Variants in RPGR observed in about 807,000 individuals in gnomAD.
RPGR encodes the protein X-linked retinitis pigmentosa GTPase regulator.
Under a neutral mutation model 56.3 loss-of-function variants are expected in RPGR, and 10 were observed. The ratio of observed to expected loss-of-function variants is 0.18; its 90% CI spans 0.11 to 0.30. The LOEUF is 0.30. Ranked by LOEUF, RPGR falls within the 10% of genes least tolerant of loss-of-function variation. The pLI is 1.00. For synonymous variants in RPGR, 197 were observed against 212.9 expected, an observed-to-expected ratio of 0.93 and a Z score of 0.65; for missense variants, 538 against 590.9, an observed-to-expected ratio of 0.91 and a Z score of 0.93.
In RPGR at chrX:38,286,956, CTT is replaced by C. The variant is rs1569237670; in HGVS notation, c.1905+136_1905+137del. ...CTGGCCTCTCCATTTCTCCTCTACC[CTT>C]GTCTTTCTCCCCCTTCTCCCTCTCC... On this transcript the variant is annotated intron_variant, in intron 15 of 18. Transcript: ENST00000642395. 8.3e-7 allele frequency: 1 copy of C among 1,209,177 alleles called. No individual in the cohort carries two copies. Among genetic ancestry groups the C allele is most frequent in the South Asian group, 1.8e-5 (1 of 56,816 alleles).
At chrX:38,289,689 A>G (rs1162269577) in intron 13 of RPGR, among the ~76,000 whole-genome samples, 3 of 112,798 alleles carry the variant, frequency 2.7e-5, no homozygotes, top group Non-Finnish European at 5.6e-5. Context: ...TCATTTACTA[A>G]AGTAGGCCTG....
At chrX:38,292,247 A>C (rs1253361137) in intron 11 of RPGR, among the ~76,000 whole-genome samples, 1 of 112,419 alleles carries the variant, frequency 8.9e-6, no homozygotes, top group African/African-American at 3.2e-5. Flanking sequence ...TGACTCTCAG[A>C]AACTGTGTGA....
chrX:38,294,132 T>A (rs1221396019), intron 11 of RPGR, among the ~76,000 whole-genome samples: 1 of 111,805 alleles, frequency 8.9e-6, no homozygotes, highest in South Asian at 3.7e-4. Flanking sequence ...AACTCCATTA[T>A]ACCAAATCCA....
In RPGR at chrX:38,310,517, A is replaced by G. The variant is rs978953524; in HGVS notation, c.778+98T>C. ...AGAAGGTAGTTCTCATAGTATTCTT[A>G]CCACAATAAAAAAATGAACATAAAA... On this transcript the variant is annotated intron_variant, in intron 7 of 18. Coordinates refer to ENST00000642395, the MANE Select transcript of RPGR (RefSeq NM_000328.3). The G allele has an allele frequency of 3.9e-5, 30 of 777,522 alleles. No individual in the cohort carries two copies. The Admixed American group carries it at 6.7e-4, about 17-fold the overall frequency. 64.1% of individuals were successfully genotyped at this position (777,522 alleles called of 1,213,427 possible).
intron 8 of RPGR, among the ~76,000 whole-genome samples, 155 bp downstream of exon 8, chrX:38,304,480 A>T (rs1167846905): frequency 8.9e-6 from 1 of 112,113 alleles, no homozygotes; most frequent in Non-Finnish European, 1.9e-5. Flanking sequence ...TAAAAAGTTC[A>T]CAACTTTATA....
At chrX:38,277,637 T>C (rs2066959662) in intron 15 of RPGR, among the ~76,000 whole-genome samples, 1 of 111,931 alleles carries the variant, frequency 8.9e-6, no homozygotes, top group South Asian at 3.7e-4. Flanking sequence ...TTCTAAAATA[T>C]GTGAAGCAGT....
chrX:38,318,286 C>T (rs2067864255), intron 5 of RPGR, among the ~76,000 whole-genome samples: 1 of 109,926 alleles, frequency 9.1e-6, no homozygotes, highest in Non-Finnish European at 1.9e-5. Context: ...GATAGAGTAA[C>T]ACCGGATGTT....
At chrX:38,303,557 A>T (rs2067541847) in intron 8 of RPGR, 1 of 265,627 alleles carries the variant, frequency 3.8e-6, no homozygotes. Context: ...ATAAAGTGAC[A>T]TTAGGACCCT....
At chrX:38,322,456 G>T (rs1307205344) in intron 3 of RPGR, among the ~76,000 whole-genome samples, 1 of 112,012 alleles carries the variant, frequency 8.9e-6, no homozygotes, top group East Asian at 2.8e-4. Context: ...TATAAAACCA[G>T]CAACCAAATA....
At chrX:38,326,103 T>A (rs185018358) in intron 1 of RPGR, among the ~76,000 whole-genome samples, 5 of 112,053 alleles carry the variant, frequency 4.5e-5, no homozygotes, top group African/African-American at 1.3e-4. Context: ...ACTCTGAGTT[T>A]CCCCAGAATG....
intron 17 of RPGR, chrX:38,274,965 T>C: frequency 1.8e-6 from 1 of 547,900 alleles, no homozygotes; most frequent in Non-Finnish European, 3.1e-6. Context: ...CATGTGACAG[T>C]AAAAATTATA....
At chrX:38,327,059 TAAA>T (rs1232638719) in intron 1 of RPGR, 482 of 260,362 alleles carry the variant, frequency 1.9e-3, no homozygotes, top group Middle Eastern at 3.1e-3. Context: ...CTCCGTCTCA[TAAA>T]AAAAAAAAAA....
At chrX:38,298,282 A>AAC in intron 10 of RPGR, 1 of 248,314 alleles carries the variant, frequency 4.0e-6, no homozygotes, top group Non-Finnish European at 7.4e-6. Flanking sequence ...AAAAAAAAAA[A>AAC]ACACATATAT....
intron 8 of RPGR, among the ~76,000 whole-genome samples, chrX:38,304,026 G>A (rs1181264265): frequency 2.7e-5 from 3 of 111,908 alleles, no homozygotes; most frequent in Non-Finnish European, 5.6e-5. Context: ...TCTTTACTGA[G>A]TCCTATATTA....
chrX:38,326,418 C>T (rs998100889), intron 1 of RPGR, among the ~76,000 whole-genome samples: 16 of 111,695 alleles, frequency 1.4e-4, no homozygotes, highest in Non-Finnish European at 3.8e-5. Flanking sequence ...TTCAGTGGAT[C>T]ACGATCAGCA....
intron 8 of RPGR, among the ~76,000 whole-genome samples, chrX:38,304,417 G>A (rs1327981004): frequency 8.9e-6 from 1 of 111,767 alleles, no homozygotes; most frequent in Non-Finnish European, 1.9e-5. Flanking sequence ...GGCCTATTGT[G>A]AGGTTCTAAA....
rs767338815 is a variant in RPGR, at chrX:38,300,365, A to C, written c.1059+882T>G. Among the ~76,000 whole-genome samples the C allele has an allele frequency of 5.4e-5, 6 of 112,046 alleles. No homozygotes were observed. In the South Asian group the frequency reaches 2.2e-3, roughly 42 times the overall value. Reference sequence around the variant, plus strand: ...ATATTATGAGACACTGAGTCTCTGGAGGACAAATTTCAGTATTATCATCAA... The same window carrying C: ...ATATTATGAGACACTGAGTCTCTGGCGGACAAATTTCAGTATTATCATCAA... On this transcript the variant is annotated intron_variant, in intron 9 of 18. Coordinates refer to ENST00000642395, the MANE Select transcript of RPGR (RefSeq NM_000328.3).
Position 38,304,750 on chromosome X carries a change from C to G in RPGR, c.819G>C (p.Gln273His). The G allele has an allele frequency of 8.3e-7, 1 of 1,210,418 alleles. No individual in the cohort carries two copies. Among genetic ancestry groups the G allele is most frequent in the Non-Finnish European group, 1.1e-6 (1 of 894,678 alleles). ...CAAAAAGAAAAGTGCCAAGACCCAG[C>G]TGACCAAATTGTCCCAGCCCAAAGG... The change falls in exon 8 of 19, where the codon CAG (glutamine) becomes CAC (histidine). Residue 273 changes from glutamine (Q) to histidine (H), a missense_variant. Physicochemically the swap from Gln to His is conservative, Grantham distance 24. Around this residue, in one of 2 missense-constraint regions of RPGR, gnomAD observed 181 missense variants for 265.1 expected, o/e 0.68. Transcript: ENST00000642395.
chrX:38,317,676 G>T, intron 5 of RPGR: 1 of 381,723 alleles, frequency 2.6e-6, no homozygotes. Flanking sequence ...ACACAGAACA[G>T]CCTGATTGTA....
Sources: gnomAD v4.1 joint callset for allele counts (sites outside exome capture counted in the v4.1 genomes callset) on GRCh38, gnomAD v4.1.1 for gene constraint, gnomAD v4.1.1 regional missense constraint, MANE v1.5 for transcripts, NCBI Gene and HGNC (gene_info 2026-07-23, HGNC 2026-07-21) for gene names.